Variants in BRCA1 observed in about 807,000 individuals in gnomAD.
The protein encoded by BRCA1 is breast cancer type 1 susceptibility protein.
Under a neutral mutation model 173.7 loss-of-function variants are expected in BRCA1, and 140 were observed. That is an observed-to-expected ratio of 0.81 (90% CI 0.70 to 0.93). BRCA1 has a LOEUF of 0.93. Among genes scored for constraint, BRCA1 ranks in the 40% least tolerant of loss-of-function variants. BRCA1 has a pLI of 0.00. For synonymous variants in BRCA1, 662 were observed against 756.0 expected (o/e 0.88, Z 2.04); for missense variants, 1,983 against 2,172.5 (o/e 0.91, Z 1.73).
Position 43,151,265 on chromosome 17 carries a change from C to T in BRCA1, c.-20+18861G>A, listed in dbSNP as rs565179034. ...ACTGTCAAACATTGTCACAGTTTAA[C>T]AGCTACATAATACTCCATCAAAAGG... On this transcript the variant is annotated intron_variant, in intron 1 of 7. Transcript: ENST00000634433. Among the ~76,000 whole-genome samples, 5 of 152,272 alleles carry T rather than the reference C, an allele frequency of 3.3e-5. No homozygotes were observed. In the South Asian group the frequency reaches 1.0e-3, roughly 32 times the overall value.
intron 6 of BRCA1, 143 bp downstream of exon 6, chr17:43,103,979 T>C: frequency 2.9e-6 from 3 of 1,036,012 alleles, no homozygotes; most frequent in Non-Finnish European, 4.3e-6. Flanking sequence ...TGGTGGCGCG[T>C]GCCTGTAATC....
chr17:43,067,855 T>TTTTTAG (rs1446353355), intron 15 of BRCA1, among the ~76,000 whole-genome samples, 160 bp from the exon 16 acceptor site: 1 of 125,702 alleles, frequency 8.0e-6, no homozygotes, highest in Non-Finnish European at 1.6e-5. Flanking sequence ...TTTTTTTTTT[T>TTTTTAG]AGACAGAGTC....
chr17:43,138,823 C>T (rs1227387802), intron 1 of BRCA1: 7 of 778,710 alleles, frequency 9.0e-6, no homozygotes, highest in East Asian at 2.4e-5. Flanking sequence ...ACTCCATACT[C>T]CCCCACCAGT....
At chr17:43,149,268 T>TTG (rs1457338006) in intron 1 of BRCA1, among the ~76,000 whole-genome samples, 1,471 of 122,310 alleles carry the variant, frequency 0.012, 17 homozygotes, top group African/African-American at 0.04. Flanking sequence ...CGGGCTAGTT[T>TTG]TTTTTTTTTT....
At chr17:43,157,102 C>G (rs970155396) in intron 1 of BRCA1, among the ~76,000 whole-genome samples, 1 of 152,148 alleles carries the variant, frequency 6.6e-6, no homozygotes, top group African/African-American at 2.4e-5. Context: ...GCAAATTCTT[C>G]TGAAAGTCAA....
chr17:43,073,832 G>T (rs542437045), intron 14 of BRCA1, among the ~76,000 whole-genome samples: 2 of 151,904 alleles, frequency 1.3e-5, no homozygotes, highest in Non-Finnish European at 2.9e-5. Context: ...TTGGCTCACC[G>T]CAACCTCCGC....
At chr17:43,163,255 G>A (rs1052682070) in intron 1 of BRCA1, 3 of 152,216 alleles carry the variant, frequency 2.0e-5, no homozygotes, top group African/African-American at 7.2e-5. Flanking sequence ...CCTTGGCCAG[G>A]GCCTCACAGT....
intron 1 of BRCA1, among the ~76,000 whole-genome samples, chr17:43,145,472 G>A (rs1390829488): frequency 1.3e-5 from 2 of 151,742 alleles, no homozygotes; most frequent in African/African-American, 2.4e-5. Flanking sequence ...GACTACAGGC[G>A]CCCACCATCA....
At chr17:43,106,259 G>A (rs928296347) in intron 4 of BRCA1, among the ~76,000 whole-genome samples, 197 bp downstream of exon 4, 2 of 152,092 alleles carry the variant, frequency 1.3e-5, no homozygotes, top group Admixed American at 6.6e-5. Context: ...AAGGCAGTAA[G>A]TTTCTAATAC....
Position 43,144,362 on chromosome 17 carries a change from G to C in BRCA1, c.-19-20247C>G, listed in dbSNP as rs189325621. On this transcript the variant is annotated intron_variant, in intron 1 of 7. Transcript: ENST00000634433. ...GCCACACAGTGCAGGTAGGCCCAGTGATCCTATGAGAGGGGCCAGGAGGTG... is the reference window on the plus strand; with the variant it reads ...GCCACACAGTGCAGGTAGGCCCAGTCATCCTATGAGAGGGGCCAGGAGGTG... 967 of 175,950 alleles carry C rather than the reference G, an allele frequency of 5.5e-3. 3 individuals are homozygous for C. Among genetic ancestry groups the C allele is most frequent in the Non-Finnish European group, 8.4e-3 (674 of 80,554 alleles). The allele number at this position is 175,950 out of a possible 1,614,324, so 10.9% of individuals were successfully genotyped here.
intron 1 of BRCA1, among the ~76,000 whole-genome samples, chr17:43,155,116 A>G (rs773960667): frequency 6.6e-6 from 1 of 151,610 alleles, no homozygotes; most frequent in South Asian, 2.1e-4. Context: ...GGTAGCTGGT[A>G]ACTTTTGGTA....
intron 2 of BRCA1, among the ~76,000 whole-genome samples, chr17:43,122,396 C>T (rs1305448298): frequency 6.6e-6 from 1 of 152,174 alleles, no homozygotes; most frequent in African/African-American, 2.4e-5. Flanking sequence ...ACCGTTCTAA[C>T]TACTGAACAT....
intron 1 of BRCA1, among the ~76,000 whole-genome samples, chr17:43,143,495 G>A (rs2056094509): frequency 6.6e-6 from 1 of 152,174 alleles, no homozygotes; most frequent in African/African-American, 2.4e-5. Flanking sequence ...CTGTTCTGCA[G>A]TTAGCACTGT....
intron 1 of BRCA1, among the ~76,000 whole-genome samples, chr17:43,135,394 C>T (rs1398608710): frequency 6.6e-6 from 1 of 152,248 alleles, no homozygotes; most frequent in African/African-American, 2.4e-5. Flanking sequence ...GTGGCGGTAG[C>T]TCACCAATCC....
chr17:43,075,746 T>TAGTACTGGACTACATAGTCC (rs2052681745), intron 13 of BRCA1, among the ~76,000 whole-genome samples: 2 of 152,052 alleles, frequency 1.3e-5, no homozygotes, highest in Non-Finnish European at 2.9e-5. Context: ...AGGAAAAGAA[T>TAGTACTGGACTACATAGTCC]AGTACTGGAC....
In BRCA1 at chr17:43,124,099, C is replaced by A. The variant is rs273900720; in HGVS notation, c.-3G>T. Reference sequence around the variant, plus strand: ...ACGCGAAGAGCAGATAAATCCATTTCTTTCTGTTCCAATGAACTTTAACAC... The same window carrying A: ...ACGCGAAGAGCAGATAAATCCATTTATTTCTGTTCCAATGAACTTTAACAC... On this transcript the variant is annotated 5_prime_UTR_variant, in exon 2 of 23. Transcript: ENST00000357654. The A allele has an allele frequency of 6.2e-7, 1 of 1,610,582 alleles. No homozygotes were observed. The highest frequency in any genetic ancestry group is 8.5e-7 in the Non-Finnish European group (1 of 1,176,906).
rs267604892 is a variant in BRCA1, at chr17:43,071,161, G to A, written c.4753C>T (p.Pro1585Ser). The A allele has an allele frequency of 6.2e-7, 1 of 1,614,150 alleles. No individual in the cohort carries two copies. Among genetic ancestry groups the A allele is most frequent in the Non-Finnish European group, 8.5e-7 (1 of 1,180,024 alleles). ...PESDPSEDRA[P>S]ESARVGNIPS... is the part of the protein sequence containing the mutation. ...ATGTTGCCAACACGAGCTGACTCTG[G>A]GGCTCTGTCTTCAGAAGGATCAGAT... Residue 1585 changes from proline (P) to serine (S), a missense_variant, in exon 15 of 23, where the codon CCA becomes TCA. Pro to Ser is a moderately conservative substitution (Grantham distance 74, BLOSUM62 -1). Transcript: ENST00000357654.
intron 1 of BRCA1, among the ~76,000 whole-genome samples, chr17:43,159,210 C>G (rs1009215615): frequency 6.6e-6 from 1 of 152,232 alleles, no homozygotes; most frequent in Non-Finnish European, 1.5e-5. Flanking sequence ...TGTGATAGCA[C>G]CACTGCACTC....
Position 43,094,426 on chromosome 17 carries a change from C to T in BRCA1, c.1105G>A (p.Asp369Asn), listed in dbSNP as rs56056711. 1.4e-5 allele frequency: 22 copies of T among 1,614,026 alleles called. No individual in the cohort carries two copies. Among genetic ancestry groups the T allele is most frequent in the Non-Finnish European group, 1.9e-5 (22 of 1,180,030 alleles). Reference protein sequence around the residue: ...PCSENPRDTEDVPWITLNSSI... With the variant: ...PCSENPRDTENVPWITLNSSI... Reference sequence around the variant, plus strand: ...CTATTTAGTGTTATCCAAGGAACATCTTCAGTATCTCTAGGATTCTCTGAG... The same window carrying T: ...CTATTTAGTGTTATCCAAGGAACATTTTCAGTATCTCTAGGATTCTCTGAG... Residue 369 changes from aspartate (D) to asparagine (N), a missense_variant, in exon 10 of 23, where the codon GAT becomes AAT. Asp to Asn is a conservative substitution (Grantham distance 23). Coordinates refer to ENST00000357654, the MANE Select transcript of BRCA1 (RefSeq NM_007294.4).
Sources: gnomAD v4.1 joint callset for allele counts (sites outside exome capture counted in the v4.1 genomes callset) on GRCh38, gnomAD v4.1.1 for gene constraint, MANE v1.5 for transcripts, NCBI Gene and HGNC (gene_info 2026-07-23, HGNC 2026-07-21) for gene names.